Variants in MTMR10 observed in about 807,000 individuals in gnomAD.
MTMR10 encodes the protein myotubularin related protein 10.
In MTMR10, 56 loss-of-function variants were observed where a neutral mutation model predicts 88.1. That is an observed-to-expected ratio of 0.64 (90% CI 0.51 to 0.79). MTMR10 has a LOEUF of 0.79. Among genes scored for constraint, MTMR10 ranks in the 30% least tolerant of loss-of-function variants. The pLI is 0.00. For missense variants in MTMR10, 883 were observed against 924.7 expected, an observed-to-expected ratio of 0.95 and a Z score of 0.58; for synonymous variants, 380 against 340.9, an observed-to-expected ratio of 1.11 and a Z score of -1.26.
chr15:30,974,650 T>G (rs892950738), intron 4 of MTMR10, among the ~76,000 whole-genome samples, 194 bp from the exon 5 acceptor site: 1 of 152,148 alleles, frequency 6.6e-6, no homozygotes, highest in African/African-American at 2.4e-5. Context: ...ATATTTTAAA[T>G]GATTATTTGC....
At chr15:30,990,649 C>T in intron 2 of MTMR10, 128 bp downstream of exon 2, 1 of 764,094 alleles carries the variant, frequency 1.3e-6, no homozygotes. Context: ...TCCTCTCAGT[C>T]ACTAGACTTT....
chr15:30,937,378 C>A, downstream of MTMR10: 1 of 897,092 alleles, frequency 1.1e-6, no homozygotes, highest in Non-Finnish European at 1.7e-6. Flanking sequence ...TGTCATTTTA[C>A]AGTGTCTGCA....
At chr15:30,975,153 G>C (rs966247965) in intron 3 of MTMR10, 150 bp from the exon 4 acceptor site, 9 of 575,912 alleles carry the variant, frequency 1.6e-5, no homozygotes, top group Non-Finnish European at 2.4e-5. Flanking sequence ...TTCCAATGTT[G>C]ACAGATAGAA....
intron 15 of MTMR10, 92 bp downstream of exon 15, chr15:30,942,798 G>T: frequency 1.5e-6 from 2 of 1,296,268 alleles, no homozygotes; most frequent in Non-Finnish European, 2.1e-6. Flanking sequence ...TGTTACTCTT[G>T]GAAGTGCCTT....
At chr15:30,952,182 C>A in intron 11 of MTMR10, 144 bp from the exon 12 acceptor site, 1 of 743,878 alleles carries the variant, frequency 1.3e-6, no homozygotes, top group Non-Finnish European at 2.2e-6. Context: ...CCCATGATAA[C>A]CCACTGTAAG....
At chr15:30,954,998 G>C (rs2063302026) in intron 9 of MTMR10, 105 bp from the exon 10 acceptor site, 1 of 962,908 alleles carries the variant, frequency 1.0e-6, no homozygotes, top group Non-Finnish European at 1.4e-6. Flanking sequence ...AGACAGGTAA[G>C]GTCTCTGCCT....
intron 5 of MTMR10, among the ~76,000 whole-genome samples, chr15:30,968,577 A>ACACACACAC (rs1566960338): frequency 8.0e-5 from 12 of 149,274 alleles, no homozygotes; most frequent in South Asian, 4.3e-4. Context: ...ACACACACAC[A>ACACACACAC]AACTGTGTTT....
chr15:30,927,736 C>T, the MTMR10 span: 1 of 985,762 alleles, frequency 1.0e-6, no homozygotes, highest in African/African-American at 1.7e-5. Flanking sequence ...TGGCCTCCTC[C>T]TCTGTCGGGA....
chr15:30,955,524 C>G (rs868269193), intron 9 of MTMR10, among the ~76,000 whole-genome samples: 1 of 152,062 alleles, frequency 6.6e-6, no homozygotes, highest in South Asian at 2.1e-4. Flanking sequence ...CCCCCCTTGG[C>G]CTCCCAAAGT....
rs919135703 is a variant in MTMR10, at chr15:30,951,999, T to C, written c.1176A>G (p.Leu392=). ...LKHSAELVYM[L]ESKHLSVVLQ... ...GGACTACAGAGAGATGTTTGCTTTC[T>C]AGCATGTATACAAGTTCTGCTGAAT... is the stretch of plus-strand genomic sequence containing the variant. The change falls in exon 12 of 16, where the codon CTA becomes CTG. Residue 392 remains leucine, a synonymous_variant. Transcript: ENST00000435680. The C allele has an allele frequency of 1.2e-6, 2 of 1,613,896 alleles. No individual in the cohort carries two copies. The highest frequency in any genetic ancestry group is 1.6e-4 in the Middle Eastern group (1 of 6,062).
At chr15:30,962,354 T>C (rs2063413393) in intron 6 of MTMR10, among the ~76,000 whole-genome samples, 1 of 152,240 alleles carries the variant, frequency 6.6e-6, no homozygotes. Context: ...AGGCTGCAAC[T>C]GTGGCAAGTC....
chr15:30,962,374 G>A (rs1306676935), intron 6 of MTMR10, among the ~76,000 whole-genome samples: 1 of 152,122 alleles, frequency 6.6e-6, no homozygotes, highest in Non-Finnish European at 1.5e-5. Context: ...CTCCCAGCTG[G>A]CATCCCCAAT....
chr15:30,949,964 G>A (rs1040919305), intron 12 of MTMR10: 1 of 152,136 alleles, frequency 6.6e-6, no homozygotes, highest in African/African-American at 2.4e-5. Flanking sequence ...GACTTTTGGG[G>A]TGATGAAAAA....
At chr15:30,925,406 T>C in the MTMR10 span, 1 of 1,041,866 alleles carries the variant, frequency 9.6e-7, no homozygotes, top group South Asian at 1.6e-5. Context: ...CTCGGAATAA[T>C]CTAAAACTCG....
At chr15:30,926,649 A>C in the MTMR10 span, 1 of 985,206 alleles carries the variant, frequency 1.0e-6, no homozygotes, top group Non-Finnish European at 1.2e-6. Flanking sequence ...AATGCCAGTG[A>C]AGACAGAGAG....
chr15:30,921,912 C>T, the MTMR10 span, among the ~76,000 whole-genome samples: 3 of 152,208 alleles, frequency 2.0e-5, no homozygotes, highest in African/African-American at 7.2e-5. Context: ...GTGACCAGTG[C>T]TCAGCTGCCT....
intron 6 of MTMR10, among the ~76,000 whole-genome samples, 173 bp from the exon 7 acceptor site, chr15:30,961,246 T>C (rs1401173871): frequency 6.6e-6 from 1 of 152,152 alleles, no homozygotes; most frequent in Admixed American, 6.5e-5. Context: ...ACTCCTTTTT[T>C]TTTTTTTGAC....
In MTMR10 at chr15:30,952,046, G is replaced by A. The variant is rs748996198; in HGVS notation, c.1137-8C>T. The A allele has an allele frequency of 3.1e-6, 5 of 1,611,592 alleles. No homozygotes were observed. Among genetic ancestry groups the A allele is most frequent in the African/African-American group, 1.3e-5 (1 of 74,858 alleles). On this transcript the variant is annotated splice_region_variant and splice_polypyrimidine_tract_variant and intron_variant, in intron 11 of 15. Coordinates refer to ENST00000435680, the MANE Select transcript of MTMR10 (RefSeq NM_017762.3). ...GAATGCTTAAGGAATGCCCTGAAGA[G>A]AGAAAAGGAAAAGCAGTGTTAAAAA...
chr15:30,934,539 A>C (rs1052357226), downstream of MTMR10, among the ~76,000 whole-genome samples: 4 of 151,806 alleles, frequency 2.6e-5, no homozygotes, highest in African/African-American at 9.7e-5. Context: ...ATGCCTGGCT[A>C]ATTTTTGTGG....
Sources: allele counts gnomAD v4.1 joint callset (sites outside exome capture counted in the v4.1 genomes callset), GRCh38; gene constraint gnomAD v4.1.1; transcripts MANE v1.5; gene names NCBI Gene and HGNC (gene_info 2026-07-23, HGNC 2026-07-21).